The following NUDCD3 variants were observed in gnomAD, a reference collection of about 807,000 sequenced individuals.
The protein encoded by NUDCD3 is NudC domain containing 3, also known as nudC domain-containing protein 3.
Under a neutral mutation model 39.7 loss-of-function variants are expected in NUDCD3, and 13 were observed. The observed-to-expected ratio is 0.33, with a 90% CI of 0.21 to 0.52. The LOEUF (loss-of-function observed/expected upper bound fraction) is 0.52, where lower values mean the gene tolerates loss of function less well. Among genes scored for constraint, NUDCD3 ranks in the 20% least tolerant of loss-of-function variants. The probability of loss-of-function intolerance (pLI) is 0.96; values close to 1 mark genes in which losing one functional copy is unlikely to be tolerated. For synonymous variants in NUDCD3, 175 were observed against 172.4 expected (o/e 1.02, Z -0.12); for missense variants, 453 against 458.1 (o/e 0.99, Z 0.10).
chr7:44,450,745 C>A (rs1343173333), intron 2 of NUDCD3, among the ~76,000 whole-genome samples: 1 of 152,108 alleles, frequency 6.6e-6, no homozygotes, highest in Admixed American at 6.5e-5. Flanking sequence ...AACAATCTGG[C>A]ACCTGACATA....
At position 44,380,808 on chromosome 7, in the gene NUDCD3, C is replaced by T. The variant is rs567619958; in HGVS notation, c.*5203G>A. 1 of 152,420 alleles carries T rather than the reference C, an allele frequency of 6.6e-6. No homozygotes were observed. Among genetic ancestry groups the T allele is most frequent in the African/African-American group, 2.4e-5 (1 of 41,584 alleles). 9.4% of individuals were successfully genotyped at this position (152,420 alleles called of 1,614,324 possible). On this transcript the variant is annotated 3_prime_UTR_variant, in exon 6 of 6. Coordinates refer to ENST00000355451, the MANE Select transcript of NUDCD3 (RefSeq NM_015332.4). ...CTCCCTAGTCCAGCAGAGGTTAGGG[C>T]TCGCTTTCCCTGCTAGAGGGGCCTC... is the stretch of plus-strand genomic sequence containing the variant.
At chr7:44,476,839 G>A (rs1366554024) in intron 2 of NUDCD3, among the ~76,000 whole-genome samples, 2 of 152,154 alleles carry the variant, frequency 1.3e-5, no homozygotes, top group Non-Finnish European at 1.5e-5. Context: ...CAAACTCCAA[G>A]GAGGCATGGT....
chr7:44,446,957 T>C (rs951489172), intron 2 of NUDCD3, among the ~76,000 whole-genome samples: 1 of 152,242 alleles, frequency 6.6e-6, no homozygotes, highest in East Asian at 1.9e-4. Flanking sequence ...GTGAATTATA[T>C]AAAAGTTTTT....
chr7:44,454,021 C>A (rs1015412119), intron 2 of NUDCD3, among the ~76,000 whole-genome samples: 1 of 151,216 alleles, frequency 6.6e-6, no homozygotes, highest in Non-Finnish European at 1.5e-5. Context: ...CCAACCTGGG[C>A]GACAGAGCAA....
intron 2 of NUDCD3, among the ~76,000 whole-genome samples, chr7:44,469,473 G>A (rs1219754212): frequency 2.0e-5 from 3 of 152,162 alleles, no homozygotes; most frequent in Non-Finnish European, 4.4e-5. Context: ...TTAGCAAACA[G>A]TACAGTAATA....
chr7:44,453,543 C>T (rs1162094889), intron 2 of NUDCD3, among the ~76,000 whole-genome samples: 3 of 152,022 alleles, frequency 2.0e-5, no homozygotes, highest in Admixed American at 6.5e-5. Context: ...TAACTCTGTA[C>T]ATCTAACCCC....
At chr7:44,467,783 C>A in intron 2 of NUDCD3, 1 of 705,522 alleles carries the variant, frequency 1.4e-6, no homozygotes, top group Non-Finnish European at 2.4e-6. Context: ...TTGTTATCAC[C>A]CTATTGTATA....
At chr7:44,390,478 G>T (rs1414000622) in intron 5 of NUDCD3, among the ~76,000 whole-genome samples, 1 of 152,162 alleles carries the variant, frequency 6.6e-6, no homozygotes, top group Admixed American at 6.5e-5. Context: ...TGTAACAAAG[G>T]CTCAGTGTCA....
intron 3 of NUDCD3, among the ~76,000 whole-genome samples, chr7:44,419,401 G>A (rs1468756129): frequency 6.6e-6 from 1 of 152,192 alleles, no homozygotes; most frequent in Non-Finnish European, 1.5e-5. Context: ...GGCTGTGGGC[G>A]CAGCTTCAGC....
intron 2 of NUDCD3, among the ~76,000 whole-genome samples, chr7:44,439,595 T>TAA (rs75213700): frequency 1.8e-5 from 2 of 114,046 alleles, no homozygotes; most frequent in African/African-American, 3.3e-5. Flanking sequence ...AGGAAGTGCT[T>TAA]AAAAAAAAAA....
intron 2 of NUDCD3, among the ~76,000 whole-genome samples, chr7:44,459,830 A>T (rs757569942): frequency 1.3e-5 from 2 of 152,236 alleles, no homozygotes; most frequent in African/African-American, 2.4e-5. Flanking sequence ...AGCCACCAAC[A>T]ATAGAATGAT....
Position 44,383,420 on chromosome 7 carries a change from T to C in NUDCD3, c.*2591A>G, listed in dbSNP as rs1040817979. On this transcript the variant is annotated 3_prime_UTR_variant, in exon 6 of 6. Coordinates refer to ENST00000355451, the MANE Select transcript of NUDCD3 (RefSeq NM_015332.4). ...ATCTTACAGGATTTCTAAAGCTGTATTGAGATCTTGCCCAGTGCATTCAGA... is the reference window on the plus strand; with the variant it reads ...ATCTTACAGGATTTCTAAAGCTGTACTGAGATCTTGCCCAGTGCATTCAGA... 3.3e-5 allele frequency: 5 copies of C among 152,246 alleles called. No homozygotes were observed. Among genetic ancestry groups the C allele is most frequent in the African/African-American group, 9.6e-5 (4 of 41,462 alleles). The allele number at this position is 152,246 out of a possible 1,614,324, so 9.4% of individuals were successfully genotyped here. A position where few individuals can be genotyped will look rare whatever the true frequency, so the allele number is the denominator to read the frequency against.
intron 4 of NUDCD3, among the ~76,000 whole-genome samples, chr7:44,395,383 CAATTTCT>C (rs1798605514): frequency 6.6e-6 from 1 of 152,208 alleles, no homozygotes; most frequent in Non-Finnish European, 1.5e-5. Context: ...TTATATTGAA[CAATTTCT>C]AATGGAGGCA....
chr7:44,408,799 C>G (rs567103549), intron 3 of NUDCD3, among the ~76,000 whole-genome samples: 1 of 152,172 alleles, frequency 6.6e-6, no homozygotes, highest in Admixed American at 6.5e-5. Context: ...AGGCTCTCAG[C>G]AGGCCGCATT....
At chr7:44,391,819 T>C (rs1798521825) in intron 5 of NUDCD3, among the ~76,000 whole-genome samples, 1 of 152,170 alleles carries the variant, frequency 6.6e-6, no homozygotes, top group South Asian at 2.1e-4. Flanking sequence ...GACAGGAACC[T>C]TTCTCTTCCT....
intron 2 of NUDCD3, among the ~76,000 whole-genome samples, chr7:44,444,809 C>G (rs548335289): frequency 1.3e-5 from 2 of 152,182 alleles, no homozygotes; most frequent in Non-Finnish European, 2.9e-5. Flanking sequence ...CAGTCAAACA[C>G]AAGGACTCAC....
intron 1 of NUDCD3, among the ~76,000 whole-genome samples, chr7:44,487,817 G>A (rs1482785367): frequency 6.6e-6 from 1 of 151,930 alleles, no homozygotes; most frequent in Admixed American, 6.6e-5. Flanking sequence ...CTCTAGGCAT[G>A]GTGGTACATG....
chr7:44,395,698 T>C (rs1355097950), intron 4 of NUDCD3, among the ~76,000 whole-genome samples: 2 of 152,236 alleles, frequency 1.3e-5, no homozygotes, highest in African/African-American at 2.4e-5. Context: ...GTCTGGCTTA[T>C]TTCACTTGGC....
In NUDCD3 at chr7:44,389,076, T is replaced by C. The variant is rs149824787; in HGVS notation, c.976-2955A>G. On this transcript the variant is annotated intron_variant, in intron 5 of 5. Transcript: ENST00000355451. ...TGCCCTAGGGGCCAAAAAAACAGCT[T>C]GCCAAGAGGACACCAACAGGATGAC... Among the ~76,000 whole-genome samples the C allele has an allele frequency of 4.3e-3, 649 of 152,340 alleles. 7 individuals are homozygous for C. Among genetic ancestry groups the C allele is most frequent in the African/African-American group, 0.015 (618 of 41,582 alleles).
Sources: gnomAD v4.1 joint callset for allele counts (sites outside exome capture counted in the v4.1 genomes callset) on GRCh38, gnomAD v4.1.1 for gene constraint, MANE v1.5 for transcripts, NCBI Gene and HGNC (gene_info 2026-07-23, HGNC 2026-07-21) for gene names.